CTNND2: variants seen among roughly 807,000 people sequenced by gnomAD.
CTNND2 encodes catenin delta 2, also known as catenin delta-2.
CTNND2 carries 22 observed loss-of-function variants against 144.4 expected under a neutral mutation model. That is an observed-to-expected ratio of 0.15 (90% CI 0.11 to 0.22). CTNND2 has a LOEUF of 0.22. Ranked by LOEUF, CTNND2 falls within the 10% of genes least tolerant of loss-of-function variation. The pLI is 1.00. For missense variants in CTNND2, 1,353 were observed against 1,618.8 expected (o/e 0.84, Z 2.82); for synonymous variants, 751 against 695.6 (o/e 1.08, Z -1.25).
chr5:11,390,415 A>G (rs941182189), intron 6 of CTNND2, among the ~76,000 whole-genome samples: 1 of 152,084 alleles, frequency 6.6e-6, no homozygotes, highest in Non-Finnish European at 1.5e-5. Context: ...AATTTATTCA[A>G]TCCTCATTCT....
chr5:11,894,935 T>C (rs999256281), intron 1 of CTNND2, among the ~76,000 whole-genome samples: 8 of 152,146 alleles, frequency 5.3e-5, no homozygotes, highest in Non-Finnish European at 8.8e-5. Context: ...TATCCTATGA[T>C]TTGTGGATCA....
intron 9 of CTNND2, among the ~76,000 whole-genome samples, chr5:11,261,631 G>C (rs886884148): frequency 6.6e-6 from 1 of 152,178 alleles, no homozygotes; most frequent in Admixed American, 6.5e-5. Flanking sequence ...GATGCCCCGA[G>C]GGCAAAACAT....
intron 2 of CTNND2, among the ~76,000 whole-genome samples, chr5:11,696,201 T>A (rs1002849788): frequency 6.6e-6 from 1 of 152,238 alleles, no homozygotes; most frequent in African/African-American, 2.4e-5. Context: ...ATAAACAACG[T>A]ATAAAGGCAT....
chr5:11,593,805 A>G (rs1344390379), intron 2 of CTNND2, among the ~76,000 whole-genome samples: 2 of 152,194 alleles, frequency 1.3e-5, no homozygotes, highest in Non-Finnish European at 2.9e-5. Flanking sequence ...TAACAGTATG[A>G]AAATGGACTA....
At position 11,181,787 on chromosome 5, in the gene CTNND2, T is replaced by C. The variant is rs561025566; in HGVS notation, c.1975+17661A>G. 2.7e-5 allele frequency among the ~76,000 whole-genome samples: 4 copies of C among 146,118 alleles called. 1 individual carries two copies. The highest frequency in any genetic ancestry group is 2.1e-4 in the East Asian group (1 of 4,776). ...GTGTGTGTGTGTGTCTGTGTGTGTG[T>C]CTGTGTGGTGTGTGTGTGGTGAATG... is the stretch of plus-strand genomic sequence containing the variant. On this transcript the variant is annotated intron_variant, in intron 11 of 21. Coordinates refer to ENST00000304623, the MANE Select transcript of CTNND2 (RefSeq NM_001332.4).
At chr5:11,532,540 G>A (rs1390539117) in intron 3 of CTNND2, among the ~76,000 whole-genome samples, 1 of 152,118 alleles carries the variant, frequency 6.6e-6, no homozygotes, top group African/African-American at 2.4e-5. Context: ...TGTTTATTGA[G>A]CTATTGAGCA....
At chr5:10,978,501 G>T (rs369200746) in intron 21 of CTNND2, among the ~76,000 whole-genome samples, 5 of 70,096 alleles carry the variant, frequency 7.1e-5, no homozygotes, top group South Asian at 3.1e-4. Flanking sequence ...TTTTTGGGGA[G>T]GGGGGGGAAC....
chr5:11,170,407 TTGTA>T (rs1209252175), intron 11 of CTNND2, among the ~76,000 whole-genome samples: 1 of 152,230 alleles, frequency 6.6e-6, no homozygotes, highest in Non-Finnish European at 1.5e-5. Context: ...ACAGATACAA[TTGTA>T]TGTATGTATC....
chr5:11,191,368 T>C (rs1440805930), intron 11 of CTNND2, among the ~76,000 whole-genome samples: 1 of 152,176 alleles, frequency 6.6e-6, no homozygotes, highest in Non-Finnish European at 1.5e-5. Context: ...AACACACTCA[T>C]GGGACACTGG....
At chr5:11,083,909 A>G in intron 15 of CTNND2, 2 of 1,147,780 alleles carry the variant, frequency 1.7e-6, no homozygotes, top group Non-Finnish European at 2.2e-6. Flanking sequence ...CCCCTCTGGC[A>G]GTGAACGTAG....
At chr5:11,181,692 G>A (rs1203145696) in intron 11 of CTNND2, among the ~76,000 whole-genome samples, 2 of 147,004 alleles carry the variant, frequency 1.4e-5, no homozygotes, top group Non-Finnish European at 3.0e-5. Context: ...TCTGTGTGGT[G>A]TGTGTGTGGT....
chr5:11,510,678 C>T (rs1302073535), intron 3 of CTNND2, among the ~76,000 whole-genome samples: 2 of 152,130 alleles, frequency 1.3e-5, no homozygotes, highest in Non-Finnish European at 2.9e-5. Flanking sequence ...TGCCTATAAT[C>T]CCAGCACTTT....
chr5:11,482,700 G>T (rs1313768893), intron 3 of CTNND2, among the ~76,000 whole-genome samples: 1 of 152,100 alleles, frequency 6.6e-6, no homozygotes, highest in African/African-American at 2.4e-5. Context: ...GTCTCCCTGA[G>T]AAGCAGACAT....
At chr5:11,596,716 C>T (rs150851950) in intron 2 of CTNND2, among the ~76,000 whole-genome samples, 5 of 152,086 alleles carry the variant, frequency 3.3e-5, no homozygotes, top group Admixed American at 1.3e-4. Context: ...CTTCCTACAG[C>T]CTTGGGAAGT....
chr5:11,700,309 G>A (rs1005732284), intron 2 of CTNND2, among the ~76,000 whole-genome samples: 26 of 152,136 alleles, frequency 1.7e-4, no homozygotes, highest in Non-Finnish European at 1.5e-5. Context: ...AGAATTGCAT[G>A]AACCCAGGAG....
rs556072920 is a variant in CTNND2, at chr5:10,979,724, G to A, written c.3417+2049C>T. On this transcript the variant is annotated intron_variant, in intron 21 of 21. Transcript: ENST00000304623. ...TTCAGATATATAGACTAAAGGAATA[G>A]AACAGAGGCCTTAGAAATAACACCA... Among the ~76,000 whole-genome samples the A allele has an allele frequency of 2.0e-4, 30 of 152,248 alleles. No individual in the cohort carries two copies. The South Asian group carries it at 6.2e-3, about 32-fold the overall frequency.
intron 9 of CTNND2, among the ~76,000 whole-genome samples, chr5:11,284,247 T>C (rs904025632): frequency 6.6e-6 from 1 of 152,202 alleles, no homozygotes; most frequent in Non-Finnish European, 1.5e-5. Context: ...GTGAAGGTTA[T>C]GCAGGGCCTA....
At chr5:11,774,131 T>C (rs963852796) in intron 1 of CTNND2, among the ~76,000 whole-genome samples, 3 of 152,112 alleles carry the variant, frequency 2.0e-5, no homozygotes, top group Non-Finnish European at 4.4e-5. Flanking sequence ...GTTTGCCACA[T>C]TTATTATTAA....
At chr5:11,117,360 T>C in intron 13 of CTNND2, 90 bp downstream of exon 13, 1 of 946,814 alleles carries the variant, frequency 1.1e-6, no homozygotes, top group Non-Finnish European at 1.7e-6. Flanking sequence ...TCTGAAATAC[T>C]GCATTGGCTC....
Sources: allele counts gnomAD v4.1 joint callset (sites outside exome capture counted in the v4.1 genomes callset), GRCh38; gene constraint gnomAD v4.1.1; transcripts MANE v1.5; gene names NCBI Gene and HGNC (gene_info 2026-07-23, HGNC 2026-07-21).